The following LYN variants were observed in gnomAD, a reference collection of about 807,000 sequenced individuals.
LYN encodes the protein LYN proto-oncogene, Src family tyrosine kinase.
LYN carries 12 observed loss-of-function variants against 65.0 expected under a neutral mutation model. The observed-to-expected ratio is 0.18, with a 90% CI of 0.12 to 0.30. LYN has a LOEUF of 0.30. Ranked by LOEUF, LYN falls within the 10% of genes least tolerant of loss-of-function variation. The pLI is 1.00. For missense variants in LYN, 380 were observed against 623.2 expected, an observed-to-expected ratio of 0.61 and a Z score of 4.16; for synonymous variants, 222 against 221.2, an observed-to-expected ratio of 1.00 and a Z score of -0.03.
intron 1 of LYN, among the ~76,000 whole-genome samples, chr8:55,923,535 T>C (rs1012965736): frequency 6.6e-6 from 1 of 152,142 alleles, no homozygotes; most frequent in Non-Finnish European, 1.5e-5. Flanking sequence ...AGTGAATATT[T>C]AGGTCAAACA....
At chr8:55,906,405 C>G (rs952610241) in intron 1 of LYN, among the ~76,000 whole-genome samples, 1 of 151,874 alleles carries the variant, frequency 6.6e-6, no homozygotes, top group Non-Finnish European at 1.5e-5. Context: ...GGAGTGAAAT[C>G]ACACCCAGCA....
intron 8 of LYN, 140 bp from the exon 9 acceptor site, chr8:55,966,575 C>A: frequency 1.6e-6 from 1 of 621,052 alleles, no homozygotes; most frequent in Non-Finnish European, 2.7e-6. Flanking sequence ...ACTGTTTTAG[C>A]CAGGCTGGTT....
chr8:56,004,294 C>CTTT (rs377562431), intron 12 of LYN, among the ~76,000 whole-genome samples: 1,528 of 125,250 alleles, frequency 0.012, 58 homozygotes, highest in African/African-American at 0.037. Context: ...GAAAGACTTC[C>CTTT]TTTTTTTTTT....
In LYN at chr8:55,902,825, A is replaced by G. The variant is rs13265447; in HGVS notation, c.-6+22722A>G. ...TTAACTATTTTTGGACACCTTGATC[A>G]ACAGTGCCCATTCTCATCTAGCATG... On this transcript the variant is annotated intron_variant, in intron 1 of 12. Coordinates refer to ENST00000519728, the MANE Select transcript of LYN (RefSeq NM_002350.4). 1,084 of 499,560 alleles carry G rather than the reference A, an allele frequency of 2.2e-3. 3 individuals are homozygous for G. The highest frequency in any genetic ancestry group is 3.6e-3 in the Non-Finnish European group (912 of 252,590). 30.9% of individuals were successfully genotyped at this position (499,560 alleles called of 1,614,324 possible). A position where few individuals can be genotyped will look rare whatever the true frequency, so the allele number is the denominator to read the frequency against.
chr8:55,933,953 C>T lies in LYN; in HGVS notation c.-5-7902C>T, dbSNP rs994102307. ...TAATAAAGAAGGAGCTTTGGCCAGG[C>T]GCAGTGGCTCACACCTGTAATCCCA... On this transcript the variant is annotated intron_variant, in intron 1 of 12. Coordinates refer to ENST00000519728, the MANE Select transcript of LYN (RefSeq NM_002350.4). Among the ~76,000 whole-genome samples the T allele has an allele frequency of 3.9e-5, 6 of 152,292 alleles. No individual in the cohort carries two copies. The South Asian group carries it at 6.2e-4, about 16-fold the overall frequency.
At chr8:55,912,212 C>G (rs333612) in intron 1 of LYN, among the ~76,000 whole-genome samples, 151,171 of 152,344 alleles carry the variant, frequency 0.99, 75,007 homozygotes, top group East Asian at 1. Flanking sequence ...CCGTGTAACA[C>G]ATTTCTGTGT....
intron 1 of LYN, among the ~76,000 whole-genome samples, chr8:55,899,858 T>C (rs908774637): frequency 7.2e-5 from 11 of 152,048 alleles, no homozygotes; most frequent in African/African-American, 2.4e-4. Flanking sequence ...CCGTGTTGCC[T>C]AGGCTGGTCT....
At chr8:55,902,227 C>T (rs947388629) in intron 1 of LYN, among the ~76,000 whole-genome samples, 6 of 151,866 alleles carry the variant, frequency 4.0e-5, no homozygotes, top group South Asian at 2.1e-4. Flanking sequence ...AGGCTGGTCT[C>T]GAACTCCCAA....
chr8:55,971,502 T>C (rs1585653135), intron 10 of LYN, among the ~76,000 whole-genome samples: 1 of 152,350 alleles, frequency 6.6e-6, no homozygotes, highest in South Asian at 2.1e-4. Context: ...CAAAGGTTTG[T>C]CACACTTGTA....
intron 1 of LYN, among the ~76,000 whole-genome samples, chr8:55,886,297 A>G (rs1395352245): frequency 1.3e-5 from 2 of 149,810 alleles, no homozygotes; most frequent in East Asian, 2.0e-4. Context: ...CTGTAGTACA[A>G]TGGTGCAATC....
At chr8:55,982,183 A>G (rs562612642) in intron 10 of LYN, among the ~76,000 whole-genome samples, 43 of 152,340 alleles carry the variant, frequency 2.8e-4, no homozygotes, top group South Asian at 1.9e-3. Flanking sequence ...TAACATCATT[A>G]TCTGGCAATG....
At chr8:55,883,228 G>A (rs747528231) in intron 1 of LYN, among the ~76,000 whole-genome samples, 1 of 152,170 alleles carries the variant, frequency 6.6e-6, no homozygotes, top group Non-Finnish European at 1.5e-5. Context: ...TTGCACCATC[G>A]TAAAGTTGAA....
intron 12 of LYN, among the ~76,000 whole-genome samples, chr8:56,008,774 A>G (rs1424440603): frequency 6.6e-6 from 1 of 152,226 alleles, no homozygotes; most frequent in East Asian, 1.9e-4. Flanking sequence ...ATGCAAATCC[A>G]GAGTCAGAGT....
At chr8:55,951,654 C>T (rs1339347141) in intron 6 of LYN, among the ~76,000 whole-genome samples, 2 of 139,316 alleles carry the variant, frequency 1.4e-5, no homozygotes, top group African/African-American at 2.8e-5. Context: ...GACAGAGCAA[C>T]AACCTATTTC....
At chr8:55,971,225 T>C (rs1485037619) in intron 10 of LYN, among the ~76,000 whole-genome samples, 1 of 152,246 alleles carries the variant, frequency 6.6e-6, no homozygotes, top group African/African-American at 2.4e-5. Context: ...CCTGCCTTTT[T>C]AGCCCTGTCC....
intron 1 of LYN, among the ~76,000 whole-genome samples, chr8:55,925,689 C>T (rs73606869): frequency 0.045 from 6,886 of 152,242 alleles, 197 homozygotes; most frequent in African/African-American, 0.077. Flanking sequence ...CAGAATGGAA[C>T]GGAAACACCA....
In LYN at chr8:55,911,102, T is replaced by TATATATATATATATACACACACAC. The variant is rs373111685; in HGVS notation, c.-5-30752_-5-30751insTATATATATATATACACACACACA. Among the ~76,000 whole-genome samples, 2 of 28,850 alleles carry TATATATATATATATACACACACAC rather than the reference T, an allele frequency of 6.9e-5. 1 individual carries two copies. Among genetic ancestry groups the TATATATATATATATACACACACAC allele is most frequent in the African/African-American group, 2.7e-4 (2 of 7,458 alleles). The allele number at this position is 28,850 out of a possible 152,430, so 18.9% of individuals were successfully genotyped here. A position where few individuals can be genotyped will look rare whatever the true frequency, so the allele number is the denominator to read the frequency against. ...ACATACATATATATATATATATACA[T>TATATATATATATATACACACACAC]ACACGTATATATACGTATATATATA... On this transcript the variant is annotated intron_variant, in intron 1 of 12. Transcript: ENST00000519728.
chr8:55,905,631 A>G (rs573430143), intron 1 of LYN, among the ~76,000 whole-genome samples: 1 of 152,252 alleles, frequency 6.6e-6, no homozygotes, highest in Admixed American at 6.5e-5. Flanking sequence ...GAGGATGGAT[A>G]GTTTCCCAGG....
intron 1 of LYN, among the ~76,000 whole-genome samples, chr8:55,888,153 G>C (rs1309488196): frequency 3.9e-5 from 6 of 152,128 alleles, no homozygotes; most frequent in African/African-American, 1.4e-4. Flanking sequence ...AACTTTTCCT[G>C]GGTAGCTACT....
Sources: gnomAD v4.1 joint callset for allele counts (sites outside exome capture counted in the v4.1 genomes callset) on GRCh38, gnomAD v4.1.1 for gene constraint, MANE v1.5 for transcripts, NCBI Gene and HGNC (gene_info 2026-07-23, HGNC 2026-07-21) for gene names.